Variants in PAGE2B observed in about 807,000 individuals in gnomAD.
PAGE2B encodes putative G antigen family E member 3.
PAGE2B carries 5 observed loss-of-function variants against 7.6 expected under a neutral mutation model. The ratio of observed to expected loss-of-function variants is 0.66; its 90% CI spans 0.34 to 1.38. PAGE2B has a LOEUF of 1.38. PAGE2B is among the 40% of genes most tolerant of loss of function. The pLI, the probability that PAGE2B is intolerant of heterozygous loss-of-function variation, is 0.04. For synonymous variants in PAGE2B, 29 were observed against 26.7 expected, an observed-to-expected ratio of 1.09 and a Z score of -0.27; for missense variants, 70 against 78.4, an observed-to-expected ratio of 0.89 and a Z score of 0.41.
chrX:55,048,626 G>T, the PAGE2B span, among the ~76,000 whole-genome samples: 2 of 111,599 alleles, frequency 1.8e-5, no homozygotes, highest in Admixed American at 9.6e-5. Flanking sequence ...TGGTGTATAA[G>T]AATGCTTGTG....
chrX:55,070,386 C>T (rs1469833646), upstream of PAGE2B, among the ~76,000 whole-genome samples: 3 of 112,136 alleles, frequency 2.7e-5, no homozygotes, highest in Non-Finnish European at 1.9e-5. Flanking sequence ...TTTGATTGCA[C>T]TGTGGTCTGA....
the PAGE2B span, among the ~76,000 whole-genome samples, chrX:55,050,223 T>A: frequency 1.3e-4 from 14 of 111,978 alleles, no homozygotes; most frequent in East Asian, 3.6e-3. Flanking sequence ...GAGCTTTACT[T>A]CCAACTATGT....
At chrX:55,057,857 T>C in the PAGE2B span, among the ~76,000 whole-genome samples, 1 of 111,916 alleles carries the variant, frequency 8.9e-6, no homozygotes, top group African/African-American at 3.2e-5. Flanking sequence ...GTGTAACACA[T>C]GTGGATTGCA....
chrX:55,070,139 T>G (rs1031348191), upstream of PAGE2B, among the ~76,000 whole-genome samples: 1 of 112,020 alleles, frequency 8.9e-6, no homozygotes, highest in Non-Finnish European at 1.9e-5. Flanking sequence ...AGGATGTTGA[T>G]TTTAGATGTT....
At chrX:55,050,231 T>G in the PAGE2B span, among the ~76,000 whole-genome samples, 1 of 111,829 alleles carries the variant, frequency 8.9e-6, no homozygotes, top group Non-Finnish European at 1.9e-5. Flanking sequence ...CTTCCAACTA[T>G]GTGGTCAATT....
the PAGE2B span, among the ~76,000 whole-genome samples, chrX:55,032,795 G>A: frequency 8.9e-6 from 1 of 111,991 alleles, no homozygotes; most frequent in Non-Finnish European, 1.9e-5. Context: ...GCAGTGGCAT[G>A]TAAATTGGAG....
At chrX:55,046,929 A>T in the PAGE2B span, among the ~76,000 whole-genome samples, 1 of 109,062 alleles carries the variant, frequency 9.2e-6, no homozygotes, top group East Asian at 2.9e-4. Flanking sequence ...TTTTGCAGAG[A>T]TTCACTTTTT....
At chrX:55,049,078 C>G in the PAGE2B span, among the ~76,000 whole-genome samples, 996 of 111,645 alleles carry the variant, frequency 8.9e-3, 12 homozygotes, top group African/African-American at 0.031. Flanking sequence ...TGGTTTTTGT[C>G]TTTGGTTCTG....
the PAGE2B span, among the ~76,000 whole-genome samples, chrX:55,049,415 A>G: frequency 6.3e-5 from 7 of 110,667 alleles, no homozygotes; most frequent in Admixed American, 3.8e-4. Flanking sequence ...GGTAGAATTC[A>G]GCTGTGAATC....
At chrX:55,073,568 A>G (rs1936471291), upstream of PAGE2B, among the ~76,000 whole-genome samples, 1 of 112,049 alleles carries the variant, frequency 8.9e-6, no homozygotes, top group African/African-American at 3.2e-5. Flanking sequence ...TAATTCCGTG[A>G]AGAATGTCAT....
At chrX:55,036,729 C>A in the PAGE2B span, among the ~76,000 whole-genome samples, 1 of 109,135 alleles carries the variant, frequency 9.2e-6, no homozygotes, top group African/African-American at 3.5e-5. Flanking sequence ...CAGAACAGAG[C>A]CCTCAGAAAT....
At chrX:55,077,753 C>T (rs1936539168) in intron 4 of PAGE2B, among the ~76,000 whole-genome samples, 1 of 112,652 alleles carries the variant, frequency 8.9e-6, no homozygotes, top group Non-Finnish European at 1.9e-5. Context: ...ACAGAAAGAT[C>T]ACTTGAGGCC....
the PAGE2B span, among the ~76,000 whole-genome samples, chrX:55,036,864 C>T: frequency 9.1e-6 from 1 of 109,998 alleles, no homozygotes; most frequent in African/African-American, 3.3e-5. Flanking sequence ...AAAGCTGAAA[C>T]TGGATCCCTT....
chrX:55,053,438 G>C, the PAGE2B span, among the ~76,000 whole-genome samples: 5 of 111,534 alleles, frequency 4.5e-5, no homozygotes, highest in African/African-American at 1.6e-4. Flanking sequence ...CCCAGGTGAT[G>C]GGTTAATAGG....
the PAGE2B span, among the ~76,000 whole-genome samples, chrX:55,068,541 G>A: frequency 2.7e-5 from 3 of 111,870 alleles, no homozygotes; most frequent in Non-Finnish European, 5.6e-5. Context: ...GGTTCCATAC[G>A]AAATTTAAAG....
chrX:55,039,670 C>T, the PAGE2B span, among the ~76,000 whole-genome samples: 7 of 110,947 alleles, frequency 6.3e-5, no homozygotes, highest in South Asian at 3.8e-4. Flanking sequence ...TTATGGTGCC[C>T]GGAGCAGTGT....
the PAGE2B span, among the ~76,000 whole-genome samples, chrX:55,060,284 T>G: frequency 9.0e-6 from 1 of 111,452 alleles, no homozygotes; most frequent in Admixed American, 9.6e-5. Context: ...CAACACTTGT[T>G]ATCTTTTGTT....
At chrX:55,066,573 T>A in the PAGE2B span, among the ~76,000 whole-genome samples, 3 of 111,743 alleles carry the variant, frequency 2.7e-5, no homozygotes, top group African/African-American at 6.5e-5. Flanking sequence ...GGATAAAAAA[T>A]TTTTTTCCTT....
At chrX:55,064,037 G>T in the PAGE2B span, among the ~76,000 whole-genome samples, 1 of 110,979 alleles carries the variant, frequency 9.0e-6, no homozygotes, top group Non-Finnish European at 1.9e-5. Context: ...ATGTGTCTTT[G>T]TCTGGTTTTG....
Sources: gnomAD v4.1 joint callset for allele counts (sites outside exome capture counted in the v4.1 genomes callset) on GRCh38, gnomAD v4.1.1 for gene constraint, MANE v1.5 for transcripts, NCBI Gene and HGNC (gene_info 2026-07-23, HGNC 2026-07-21) for gene names.